The following RASSF3 variants were observed in gnomAD, a reference collection of about 807,000 sequenced individuals.
RASSF3 encodes Ras association domain family member 3, also known as ras association domain-containing protein 3.
In RASSF3, 19 loss-of-function variants were observed where a neutral mutation model predicts 19.9. The ratio of observed to expected loss-of-function variants is 0.96; its 90% CI spans 0.67 to 1.40. RASSF3 has a LOEUF of 1.40. RASSF3 is among the 40% of genes most tolerant of loss of function. The pLI is 0.00. For synonymous variants in RASSF3, 110 were observed against 104.2 expected, an observed-to-expected ratio of 1.06 and a Z score of -0.34; for missense variants, 306 against 289.8, an observed-to-expected ratio of 1.06 and a Z score of -0.41.
At chr12:64,622,214 C>T (rs1870799202) in intron 1 of RASSF3, among the ~76,000 whole-genome samples, 1 of 134,558 alleles carries the variant, frequency 7.4e-6, no homozygotes, top group African/African-American at 2.9e-5. Flanking sequence ...CCATGTCCAG[C>T]TATTTTTTTT....
At chr12:64,545,778 TGAG>T, downstream of RASSF3, among the ~76,000 whole-genome samples, 1 of 152,134 alleles carries the variant, frequency 6.6e-6, no homozygotes, top group South Asian at 2.1e-4. Flanking sequence ...AAATTTAAAA[TGAG>T]GCAGGAAGAT....
At chr12:64,669,708 A>G (rs1872635162) in intron 1 of RASSF3, among the ~76,000 whole-genome samples, 1 of 151,740 alleles carries the variant, frequency 6.6e-6, no homozygotes, top group Admixed American at 6.6e-5. Context: ...CAGGGTTGGG[A>G]GTCCGGCTGG....
At chr12:64,576,120 G>A (rs566135712) in intron 2 of RASSF3, among the ~76,000 whole-genome samples, 1 of 151,830 alleles carries the variant, frequency 6.6e-6, no homozygotes, top group South Asian at 2.1e-4. Flanking sequence ...AAGCAATCTT[G>A]GAGAAGACAA....
intron 1 of RASSF3, chr12:64,507,502 A>G: frequency 7.7e-6 from 3 of 387,226 alleles, no homozygotes; most frequent in Non-Finnish European, 1.4e-5. Flanking sequence ...GAGAAAATAA[A>G]ATTAAGCATT....
intron 1 of RASSF3, among the ~76,000 whole-genome samples, chr12:64,635,179 C>T (rs917283947): frequency 1.3e-5 from 2 of 152,020 alleles, no homozygotes; most frequent in African/African-American, 4.8e-5. Context: ...GTCTCAAGCT[C>T]CTGAGTTCAA....
chr12:64,600,736 A>G (rs1870078305), intron 2 of RASSF3, among the ~76,000 whole-genome samples: 1 of 152,204 alleles, frequency 6.6e-6, no homozygotes, highest in African/African-American at 2.4e-5. Context: ...CTTAGACCCC[A>G]GTGGTTTTGT....
At chr12:64,524,046 C>T (rs961526247) in intron 1 of RASSF3, among the ~76,000 whole-genome samples, 8 of 133,718 alleles carry the variant, frequency 6.0e-5, no homozygotes, top group African/African-American at 1.3e-4. Context: ...GCTAGCTGTA[C>T]TTGCTCTTTT....
rs1873322764 is a variant in RASSF3, at chr12:64,685,687, C to T, written c.219+793C>T. Among the ~76,000 whole-genome samples, 5 of 152,236 alleles carry T rather than the reference C, an allele frequency of 3.3e-5. No individual in the cohort carries two copies. The South Asian group carries it at 8.3e-4, about 25-fold the overall frequency. On this transcript the variant is annotated intron_variant, in intron 2 of 4. Coordinates refer to ENST00000542104, the MANE Select transcript of RASSF3 (RefSeq NM_178169.4). ...ACTTAATACTCAGTTTCTTCCACGT[C>T]GCTGTCGCAGGCTTCCACAGCATTG...
Position 64,694,787 on chromosome 12 carries a change from C to G in RASSF3, c.592C>G (p.Leu198Val). The change falls in exon 5 of 5, where the codon CTA becomes GTA. Residue 198 changes from leucine to valine, a missense_variant. Leu to Val is a conservative substitution (Grantham distance 32). Coordinates refer to ENST00000542104, the MANE Select transcript of RASSF3 (RefSeq NM_178169.4). ...GTGGGAAGCCTTCAGCCTTCCAGAA[C>G]TACAGAATTTCTTGCGCATCTTGGA... ...GEWEAFSLPE[L>V]QNFLRILDKE... 1 of 1,614,202 alleles carries G rather than the reference C, an allele frequency of 6.2e-7. No homozygotes were observed. The highest frequency in any genetic ancestry group is 8.5e-7 in the Non-Finnish European group (1 of 1,180,014).
Position 64,573,955 on chromosome 12 carries a change from A to T in RASSF3, c.294+32250A>T, listed in dbSNP as rs73317573. Among the ~76,000 whole-genome samples the T allele has an allele frequency of 1.3e-3, 195 of 152,270 alleles. 2 individuals carry two copies. The highest frequency in any genetic ancestry group is 4.5e-3 in the African/African-American group (187 of 41,564). ...TTAATAATTCAAAATCAATCTATGTAATGTGTCATATTAATAGTACAAAGG... is the reference window on the plus strand; with the variant it reads ...TTAATAATTCAAAATCAATCTATGTTATGTGTCATATTAATAGTACAAAGG... On this transcript the variant is annotated intron_variant, in intron 2 of 5. Coordinates refer to the RASSF3 transcript ENST00000637125.
At chr12:64,614,250 C>T (rs912406356) in intron 1 of RASSF3, among the ~76,000 whole-genome samples, 1 of 151,574 alleles carries the variant, frequency 6.6e-6, no homozygotes, top group Non-Finnish European at 1.5e-5. Flanking sequence ...TCTCCTGCCT[C>T]AGCCTCCCGA....
intron 1 of RASSF3, among the ~76,000 whole-genome samples, chr12:64,670,938 A>G (rs1872683739): frequency 6.6e-6 from 1 of 152,194 alleles, no homozygotes; most frequent in Non-Finnish European, 1.5e-5. Flanking sequence ...CTCCGGCAAA[A>G]TAAATCTCCC....
chr12:64,552,846 C>A (rs557960101), intron 2 of RASSF3, among the ~76,000 whole-genome samples: 1 of 151,604 alleles, frequency 6.6e-6, no homozygotes, highest in African/African-American at 2.4e-5. Flanking sequence ...GATGGAGTTT[C>A]GCTCTTGTCA....
intron 1 of RASSF3, among the ~76,000 whole-genome samples, chr12:64,659,413 T>G (rs1872267063): frequency 6.6e-6 from 1 of 152,158 alleles, no homozygotes; most frequent in Admixed American, 6.5e-5. Flanking sequence ...AGAACAGGGT[T>G]CCTAGCCCTG....
chr12:64,552,623 G>T (rs970396725), intron 2 of RASSF3, among the ~76,000 whole-genome samples: 2 of 152,084 alleles, frequency 1.3e-5, no homozygotes, highest in Admixed American at 6.6e-5. Flanking sequence ...GAGAACATGT[G>T]GTGTTTGGTT....
chr12:64,619,164 G>A (rs1384010069), intron 1 of RASSF3, among the ~76,000 whole-genome samples: 1 of 152,140 alleles, frequency 6.6e-6, no homozygotes, highest in African/African-American at 2.4e-5. Context: ...TGTCTTGGTG[G>A]CTGCAGATGG....
At chr12:64,673,349 C>A (rs115182221) in intron 1 of RASSF3, among the ~76,000 whole-genome samples, 1 of 152,114 alleles carries the variant, frequency 6.6e-6, no homozygotes, top group African/African-American at 2.4e-5. Flanking sequence ...TCTTGGCAAT[C>A]GTCTTTATTA....
chr12:64,527,818 C>A (rs1405222823), intron 1 of RASSF3, among the ~76,000 whole-genome samples: 2 of 152,038 alleles, frequency 1.3e-5, no homozygotes, highest in African/African-American at 2.4e-5. Flanking sequence ...GGCTGTAATC[C>A]CAGCTACTTG....
chr12:64,569,782 A>T (rs370311017), intron 2 of RASSF3, among the ~76,000 whole-genome samples: 1 of 152,202 alleles, frequency 6.6e-6, no homozygotes, highest in South Asian at 2.1e-4. Context: ...CCTGACCAAC[A>T]TGAAGAAACC....
Sources: gnomAD v4.1 joint callset for allele counts (sites outside exome capture counted in the v4.1 genomes callset) on GRCh38, gnomAD v4.1.1 for gene constraint, MANE v1.5 for transcripts, NCBI Gene and HGNC (gene_info 2026-07-23, HGNC 2026-07-21) for gene names.